Variants in FLII observed in about 807,000 individuals in gnomAD.
The protein encoded by FLII is FLII actin remodeling protein.
A neutral mutation model predicts 156.2 loss-of-function variants in FLII; 101 were observed. That is an observed-to-expected ratio of 0.65 (90% CI 0.55 to 0.76). The LOEUF (loss-of-function observed/expected upper bound fraction) is 0.76. FLII is among the 30% of genes least tolerant of loss of function. The pLI is 0.00. For synonymous variants in FLII, 767 were observed against 685.8 expected, an observed-to-expected ratio of 1.12 and a Z score of -1.85; for missense variants, 1,675 against 1,682.8, an observed-to-expected ratio of 1.00 and a Z score of 0.08.
chr17:18,256,871 C>A, intron 2 of FLII, 38 bp downstream of exon 2: 1 of 1,414,806 alleles, frequency 7.1e-7, no homozygotes, highest in Non-Finnish European at 9.8e-7. Context: ...CCTGGCTCAT[C>A]CACAGGGACC....
intron 13 of FLII, 99 bp from the exon 14 acceptor site, chr17:18,251,116 C>T (rs1289680047): frequency 6.9e-6 from 10 of 1,439,500 alleles, no homozygotes; most frequent in East Asian, 2.5e-5. Context: ...GCCCCAGGGG[C>T]TTTGTACTGC....
chr17:18,247,738 C>T lies in FLII; in HGVS notation c.2406G>A (p.Lys802=). Residue 802 remains lysine, a synonymous_variant, in exon 20 of 30, where the codon AAG becomes AAA. Coordinates refer to ENST00000327031, the MANE Select transcript of FLII (RefSeq NM_002018.4). The part of the protein sequence containing the change: ...SPRLVRAAAL[K]LGQELCGMLH... ...GCATCCCGCACAGCTCCTGACCCAG[C>T]TTGAGGGCGGCAGCGCGCACCAGGC... 1.9e-6 allele frequency: 3 copies of T among 1,605,562 alleles called. No individual in the cohort carries two copies. Among genetic ancestry groups the T allele is most frequent in the East Asian group, 2.2e-5 (1 of 44,878 alleles).
rs780881470 is a variant in FLII, at chr17:18,247,650, A to G, written c.2487+7T>C. 13 of 1,575,298 alleles carry G rather than the reference A, an allele frequency of 8.3e-6. No homozygotes were observed. The Middle Eastern group carries it at 5.8e-4, about 70-fold the overall frequency. On this transcript the variant is annotated splice_region_variant and intron_variant, in intron 20 of 29. Coordinates refer to ENST00000327031, the MANE Select transcript of FLII (RefSeq NM_002018.4). ...CTGGGGAGGGGCCTCCGAAGCTGCA[A>G]GCGCACCTGCGCCTCGGTGCCCTCG...
Position 18,252,721 on chromosome 17 carries a change from G to A in FLII, c.1014-165C>T, listed in dbSNP as rs376591180. On this transcript the variant is annotated intron_variant, in intron 9 of 29. Transcript: ENST00000327031. Reference sequence around the variant, plus strand: ...TCTCAGAGCCAAGAGACCATGTTACGGGCACTGTGATCTCCAGAAGGGGAG... The same window carrying A: ...TCTCAGAGCCAAGAGACCATGTTACAGGCACTGTGATCTCCAGAAGGGGAG... Among the ~76,000 whole-genome samples, 7 of 152,266 alleles carry A rather than the reference G, an allele frequency of 4.6e-5. No individual in the cohort carries two copies. In the East Asian group the frequency reaches 7.7e-4, roughly 17 times the overall value.
chr17:18,245,101 C>T lies in FLII; in HGVS notation c.*37G>A, dbSNP rs759199212. On this transcript the variant is annotated 3_prime_UTR_variant, in exon 30 of 30. Transcript: ENST00000327031. ...AGCAGACAGTGGATGAGGCCCCTTCCTCTTCCTCACCAAGCCTGGGGCTGT... is the reference window on the plus strand; with the variant it reads ...AGCAGACAGTGGATGAGGCCCCTTCTTCTTCCTCACCAAGCCTGGGGCTGT... 2.5e-6 allele frequency: 4 copies of T among 1,587,126 alleles called. No homozygotes were observed. The Admixed American group carries it at 7.0e-5, about 28-fold the overall frequency.
rs1187199698 is a variant in FLII at position 18,253,379 on chromosome 17, C to T, written c.935G>A (p.Gly312Asp). 14 of 1,613,858 alleles carry T rather than the reference C, an allele frequency of 8.7e-6. No individual in the cohort carries two copies. Among genetic ancestry groups the T allele is most frequent in the East Asian group, 2.2e-5 (1 of 44,896 alleles). The change falls in exon 9 of 30, where the codon GGC becomes GAC. Residue 312 changes from glycine (G) to aspartate (D), a missense_variant. Coordinates refer to ENST00000327031, the MANE Select transcript of FLII (RefSeq NM_002018.4). ...NKLDFDGLPS[G>D]IGKLTNLEEF... Reference sequence around the variant, plus strand: ...TTCCAGGTTGGTGAGCTTGCCAATGCCTGAGGGCAGCCCGTCAAAGTCCAG... The same window carrying T: ...TTCCAGGTTGGTGAGCTTGCCAATGTCTGAGGGCAGCCCGTCAAAGTCCAG...
Position 18,251,461 on chromosome 17 carries a change from C to G in FLII, c.1400G>C (p.Arg467Pro). 6.2e-7 allele frequency: 1 copy of G among 1,606,458 alleles called. No individual in the cohort carries two copies. Among genetic ancestry groups the G allele is most frequent in the Non-Finnish European group, 8.5e-7 (1 of 1,176,198 alleles). ...ACGCCGCACCTTCCCGCTGGGGGCC[C>G]GGGCATCTGCGCTCTCCTGGGGGCA... ...NKKQEESADA[R>P]APSGKVRRWD... Residue 467 changes from arginine to proline, a missense_variant, in exon 13 of 30, where the codon CGG (arginine) becomes CCG (proline). Around this residue, in one of 2 missense-constraint regions of FLII, gnomAD observed 1,332 missense variants for 1,269.3 expected, o/e 1.05. Transcript: ENST00000327031.
intron 20 of FLII, 131 bp downstream of exon 20, chr17:18,247,526 G>T: frequency 9.4e-7 from 1 of 1,068,930 alleles, no homozygotes; most frequent in Non-Finnish European, 1.3e-6. Context: ...AGGGGGCGGG[G>T]CCTGGGCAGA....
intron 18 of FLII, 118 bp downstream of exon 18, chr17:18,248,432 C>A (rs906726144): frequency 6.4e-6 from 6 of 940,368 alleles, no homozygotes; most frequent in Non-Finnish European, 9.4e-6. Flanking sequence ...GAAGGTGGCA[C>A]CCTCTCCCCA....
chr17:18,245,163 C>T lies in FLII; in HGVS notation c.3785G>A (p.Ser1262Asn). The T allele has an allele frequency of 1.2e-6, 2 of 1,613,564 alleles. No homozygotes were observed. The highest frequency in any genetic ancestry group is 8.5e-7 in the Non-Finnish European group (1 of 1,179,812). ...TTAGGCCAGGGCCTTGCAGAAGGCG[C>T]TCCAGGCGTGGAAGCAGCGGGTAAA... ...HAFTRCFHAW[S>N]AFCKALA The change falls in exon 30 of 30, where the codon AGC (serine) becomes AAC (asparagine). Residue 1262 changes from serine (S) to asparagine (N), a missense_variant. Transcript: ENST00000327031.
Position 18,246,945 on chromosome 17 carries a change from G to T in FLII, c.2784C>A (p.Phe928Leu), listed in dbSNP as rs143787650. Residue 928 changes from phenylalanine to leucine, a missense_variant, in exon 22 of 30, where the codon TTC becomes TTA. Physicochemically the swap from Phe to Leu is conservative, Grantham distance 22. This residue lies in a region of FLII where 1,332 missense variants were observed against 1,269.3 expected (regional missense o/e 1.05). Transcript: ENST00000327031. ...GGAAGACGTAGCAGTCCTGCGTGTAGAAGTGGCCAAACTCCTCTTCCGGCA... is the reference window on the plus strand; with the variant it reads ...GGAAGACGTAGCAGTCCTGCGTGTATAAGTGGCCAAACTCCTCTTCCGGCA... ...ARLPEEEFGH[F>L]YTQDCYVFLC... 1.2e-6 allele frequency: 2 copies of T among 1,614,076 alleles called. No individual in the cohort carries two copies. The highest frequency in any genetic ancestry group is 1.7e-5 in the Admixed American group (1 of 60,004).
Position 18,246,431 on chromosome 17 carries a change from G to A in FLII, c.3083C>T (p.Pro1028Leu). ...CCTCTTGAAATGGGACAGGAACTTG[G>A]GGTTCTCCTGCTGCTGCGTCATGCG... ...VVRMTQQQENPKFLSHFKRKF... is the reference protein window; with the variant it reads ...VVRMTQQQENLKFLSHFKRKF... The change falls in exon 24 of 30, where the codon CCC (proline) becomes CTC (leucine). Residue 1028 changes from proline (P) to leucine (L), a missense_variant. Around this residue, in one of 2 missense-constraint regions of FLII, gnomAD observed 1,332 missense variants for 1,269.3 expected, o/e 1.05. Coordinates refer to ENST00000327031, the MANE Select transcript of FLII (RefSeq NM_002018.4). 2.5e-6 allele frequency: 4 copies of A among 1,614,006 alleles called. No individual in the cohort carries two copies. Among genetic ancestry groups the A allele is most frequent in the Non-Finnish European group, 3.4e-6 (4 of 1,179,984 alleles).
At position 18,252,113 on chromosome 17, in the gene FLII, T is replaced by A; in HGVS notation, c.1132A>T (p.Met378Leu). ...LDVRENPNLVMPPKPADRAAE... is the reference protein window; with the variant it reads ...LDVRENPNLVLPPKPADRAAE... The stretch of plus-strand genomic sequence containing the variant: ...GCACGGTCTGCGGGCTTGGGCGGCA[T>A]GACCAGGTTGGGGTTCTCCCGCACA... Residue 378 changes from methionine to leucine, a missense_variant, in exon 11 of 30, where the codon ATG (methionine) becomes TTG (leucine). Physicochemically the swap from Met to Leu is conservative, Grantham distance 15. Transcript: ENST00000327031. 1 of 1,613,376 alleles carries A rather than the reference T, an allele frequency of 6.2e-7. No individual in the cohort carries two copies. The highest frequency in any genetic ancestry group is 8.5e-7 in the Non-Finnish European group (1 of 1,180,034).
chr17:18,258,749 G>C (rs909407821), upstream of FLII: 26 of 1,229,710 alleles, frequency 2.1e-5, no homozygotes, highest in African/African-American at 6.4e-5. This position sits in a 1 kb window ranked among gnomAD's most constrained non-coding sequence, Gnocchi z 4.2. Context: ...GAGGGCGCTG[G>C]GGGGAGCCGC....
intron 20 of FLII, 81 bp downstream of exon 20, chr17:18,247,576 G>A (rs2048120401): frequency 7.6e-7 from 1 of 1,317,270 alleles, no homozygotes; most frequent in Non-Finnish European, 1.0e-6. Context: ...AGCTCTGTAG[G>A]GAGGTAGTGA....
rs1474473736 is a variant in FLII, at chr17:18,253,738, T to C, written c.680-19A>G. The C allele has an allele frequency of 1.3e-6, 2 of 1,582,548 alleles. No homozygotes were observed. Among genetic ancestry groups the C allele is most frequent in the African/African-American group, 2.7e-5 (2 of 74,274 alleles). ...TCCACGTCTGGGGTGCAGGGTGGGG[T>C]GCATCAGCTGGGGCCCATACACCAG... On this transcript the variant is annotated intron_variant, in intron 7 of 29. Coordinates refer to ENST00000327031, the MANE Select transcript of FLII (RefSeq NM_002018.4).
chr17:18,245,368 G>T lies in FLII; in HGVS notation c.3661C>A (p.Leu1221Met), dbSNP rs2047998629. ...QTSQVEIKLS[L>M]KACQVYIQHM... ...ACCCAGATTACCTGGCAGGCCTTCA[G>T]GCTCAGCTTGATCTCCACCTGGCTA... The change falls in exon 29 of 30, where the codon CTG becomes ATG. Residue 1221 changes from leucine to methionine, a missense_variant. Around this residue, in one of 2 missense-constraint regions of FLII, gnomAD observed 1,332 missense variants for 1,269.3 expected, o/e 1.05. Coordinates refer to ENST00000327031, the MANE Select transcript of FLII (RefSeq NM_002018.4). 6.2e-7 allele frequency: 1 copy of T among 1,614,072 alleles called. No individual in the cohort carries two copies. The highest frequency in any genetic ancestry group is 1.3e-5 in the African/African-American group (1 of 74,936).
In FLII at chr17:18,252,481, C is replaced by A. The variant is rs148245851; in HGVS notation, c.1089G>T (p.Thr363=). ...VTLPEAIHFL[T]EIEVLDVREN... ...ACCCAGCATGCCTGACCTCGATCTC[C>A]GTCAGGAAATGGATGGCTTCTGGGA... Residue 363 remains threonine, a synonymous_variant, in exon 10 of 30, where the codon ACG becomes ACT. Coordinates refer to ENST00000327031, the MANE Select transcript of FLII (RefSeq NM_002018.4). 1.9e-6 allele frequency: 3 copies of A among 1,613,500 alleles called. No individual in the cohort carries two copies. The highest frequency in any genetic ancestry group is 1.7e-5 in the Admixed American group (1 of 60,014).
chr17:18,249,812 A>G lies in FLII; in HGVS notation c.1777-404T>C, dbSNP rs574462899. Among the ~76,000 whole-genome samples the G allele has an allele frequency of 3.7e-4, 35 of 93,532 alleles. No individual in the cohort carries two copies. In the South Asian group the frequency reaches 0.011, roughly 28 times the overall value. The allele number at this position is 93,532 out of a possible 152,430, so 61.4% of individuals were successfully genotyped here. On this transcript the variant is annotated intron_variant, in intron 14 of 29. Transcript: ENST00000327031. ...TCTTAAAACAAACAAACAAACAAAC[A>G]AACAACAACAAAAAAAACAGATCTG...
Sources: allele counts gnomAD v4.1 joint callset (sites outside exome capture counted in the v4.1 genomes callset), GRCh38; gene constraint gnomAD v4.1.1; regional missense constraint gnomAD v4.1.1; non-coding constraint Gnocchi (gnomAD v3.1); transcripts MANE v1.5; gene names NCBI Gene and HGNC (gene_info 2026-07-23, HGNC 2026-07-21).